The following GRK7 variants were observed in gnomAD, a reference collection of about 807,000 sequenced individuals.
GRK7 encodes the protein G protein-coupled receptor kinase 7, also known as rhodopsin kinase GRK7.
GRK7 carries 24 observed loss-of-function variants against 34.1 expected under a neutral mutation model. That is an observed-to-expected ratio of 0.70 (90% confidence interval 0.51 to 0.99). The LOEUF is 0.99. GRK7 is among the 50% of genes least tolerant of loss of function. GRK7 has a pLI of 0.00. For synonymous variants in GRK7, 256 were observed against 279.4 expected, an observed-to-expected ratio of 0.92 and a Z score of 0.84; for missense variants, 644 against 707.3, an observed-to-expected ratio of 0.91 and a Z score of 1.02.
At position 141,811,135 on chromosome 3, in the gene GRK7, T is replaced by G. The variant is rs191560149; in HGVS notation, c.1325+3216T>G. On this transcript the variant is annotated intron_variant, in intron 5 of 5. Transcript: ENST00000682958. ...TTCGAGACCAGGTTGGCCAACATGATGAAACCCCCTCTCTACTAAAAAAAT... is the reference window on the plus strand; with the variant it reads ...TTCGAGACCAGGTTGGCCAACATGAGGAAACCCCCTCTCTACTAAAAAAAT... Among the ~76,000 whole-genome samples the G allele has an allele frequency of 5.0e-3, 759 of 152,066 alleles. 2 individuals carry two copies. The highest frequency in any genetic ancestry group is 0.017 in the African/African-American group (720 of 41,476).
At chr3:141,777,322 C>CTGTTTTTTTTTTTTTT in intron 2 of GRK7, among the ~76,000 whole-genome samples, 1 of 52,876 alleles carries the variant, frequency 1.9e-5, no homozygotes, top group East Asian at 4.8e-4. Context: ...GATGGCCCCT[C>CTGTTTTTTTTTTTTTT]TTTTTTTTTT....
chr3:141,759,938 T>G (rs2084547978), upstream of GRK7, among the ~76,000 whole-genome samples: 1 of 67,200 alleles, frequency 1.5e-5, no homozygotes, highest in Non-Finnish European at 2.9e-5. Flanking sequence ...TCTAGTTTAT[T>G]TGCGTAGAGG....
At chr3:141,810,664 C>G (rs1711084667) in intron 5 of GRK7, among the ~76,000 whole-genome samples, 1 of 152,016 alleles carries the variant, frequency 6.6e-6, no homozygotes, top group African/African-American at 2.4e-5. Flanking sequence ...TTACAGGCAC[C>G]CACCACCACA....
intron 4 of GRK7, among the ~76,000 whole-genome samples, chr3:141,793,098 G>A (rs1047460431): frequency 1.3e-5 from 2 of 152,196 alleles, no homozygotes; most frequent in Admixed American, 1.3e-4. Context: ...TCTTCATTTG[G>A]CTGCTTATTT....
At position 141,769,717 on chromosome 3, in the gene GRK7, G is replaced by C. The variant is rs538923211; in HGVS notation, c.-215+3979G>C. ...TGGCCAGGCTCTGCTAATGAGGAAA[G>C]ACACCAGGGCATCTCTCCCCATCTC... On this transcript the variant is annotated intron_variant, in intron 1 of 5. Coordinates refer to ENST00000682958, the MANE Select transcript of GRK7 (RefSeq NM_139209.3). 2.8e-4 allele frequency among the ~76,000 whole-genome samples: 43 copies of C among 152,256 alleles called. No homozygotes were observed. In the East Asian group the frequency reaches 6.9e-3, roughly 25 times the overall value.
chr3:141,793,792 G>A (rs907211045), intron 4 of GRK7, among the ~76,000 whole-genome samples: 1 of 152,230 alleles, frequency 6.6e-6, no homozygotes, highest in Admixed American at 6.5e-5. Flanking sequence ...AAATTTGGGG[G>A]CTCACTGTGA....
Position 141,806,584 on chromosome 3 carries a change from C to T in GRK7, c.1051-1061C>T, listed in dbSNP as rs985085446. 3.4e-5 allele frequency among the ~76,000 whole-genome samples: 5 copies of T among 146,058 alleles called. No homozygotes were observed. In the South Asian group the frequency reaches 6.3e-4, roughly 18 times the overall value. ...TCTCAAAAATATATATATATATATACACACACACATATATATTTGAGTAAA... is the reference window on the plus strand; with the variant it reads ...TCTCAAAAATATATATATATATATATACACACACATATATATTTGAGTAAA... On this transcript the variant is annotated intron_variant, in intron 4 of 5. Coordinates refer to ENST00000682958, the MANE Select transcript of GRK7 (RefSeq NM_139209.3).
At chr3:141,755,493 A>G in the GRK7 span, among the ~76,000 whole-genome samples, 1 of 152,248 alleles carries the variant, frequency 6.6e-6, no homozygotes, top group Admixed American at 6.5e-5. Context: ...TATCCTCAAC[A>G]AGATTTATTA....
the GRK7 span, among the ~76,000 whole-genome samples, chr3:141,753,368 G>A: frequency 6.6e-6 from 1 of 152,144 alleles, no homozygotes; most frequent in Non-Finnish European, 1.5e-5. Context: ...TAGTACAGTG[G>A]TTCCCCAATT....
chr3:141,815,699 CTG>C lies in GRK7; in HGVS notation c.1326-982_1326-981del, dbSNP rs61336912. 4.1e-3 allele frequency among the ~76,000 whole-genome samples: 598 copies of C among 145,894 alleles called. 5 individuals are homozygous for C. Among genetic ancestry groups the C allele is most frequent in the African/African-American group, 0.012 (464 of 39,180 alleles). Reference sequence around the variant, plus strand: ...AAAAAACTATGGCTTCTATTTTGAGCTGTGTGTGTGTGTGTGTGTGTGTGTGT... The same window carrying C: ...AAAAAACTATGGCTTCTATTTTGAGCTGTGTGTGTGTGTGTGTGTGTGTGT... On this transcript the variant is annotated intron_variant, in intron 5 of 5. Transcript: ENST00000682958.
At chr3:141,781,109 G>A (rs928383598) in intron 4 of GRK7, among the ~76,000 whole-genome samples, 3 of 152,106 alleles carry the variant, frequency 2.0e-5, no homozygotes, top group African/African-American at 7.2e-5. Flanking sequence ...GTCATGGTCC[G>A]GGTGTGTCAA....
chr3:141,758,759 T>C (rs1380936446), upstream of GRK7, among the ~76,000 whole-genome samples: 1 of 146,744 alleles, frequency 6.8e-6, no homozygotes, highest in East Asian at 2.0e-4. Context: ...ATGGCCATTT[T>C]CACGATATTG....
intron 2 of GRK7, among the ~76,000 whole-genome samples, chr3:141,775,583 G>A (rs553299035): frequency 2.4e-4 from 37 of 152,090 alleles, no homozygotes; most frequent in African/African-American, 7.2e-4. Flanking sequence ...AGAACATGTG[G>A]CTACTTAGCA....
intron 5 of GRK7, among the ~76,000 whole-genome samples, chr3:141,810,736 C>T (rs928063412): frequency 2.6e-5 from 4 of 152,018 alleles, no homozygotes; most frequent in South Asian, 2.1e-4. Flanking sequence ...AGGATGGTCT[C>T]GATCCCACAC....
At chr3:141,750,037 G>A in the GRK7 span, among the ~76,000 whole-genome samples, 39 of 151,692 alleles carry the variant, frequency 2.6e-4, no homozygotes, top group African/African-American at 8.5e-4. Flanking sequence ...AAAGAAATAT[G>A]AATATAAAAA....
intron 5 of GRK7, among the ~76,000 whole-genome samples, chr3:141,811,243 G>C (rs954167284): frequency 5.9e-5 from 9 of 151,846 alleles, no homozygotes; most frequent in Admixed American, 5.9e-4. Context: ...GCTTGAACCT[G>C]GGAGGCGGAG....
At chr3:141,781,432 G>A (rs1273443249) in intron 4 of GRK7, among the ~76,000 whole-genome samples, 1 of 151,802 alleles carries the variant, frequency 6.6e-6, no homozygotes, top group Non-Finnish European at 1.5e-5. Flanking sequence ...AGCTACTCGG[G>A]AGGTTGAGGC....
intron 4 of GRK7, among the ~76,000 whole-genome samples, chr3:141,785,954 AAT>A (rs1198292663): frequency 6.6e-6 from 1 of 151,168 alleles, no homozygotes; most frequent in Non-Finnish European, 1.5e-5. Flanking sequence ...AAAAAAAAAA[AAT>A]CTTTTGGCCT....
intron 4 of GRK7, among the ~76,000 whole-genome samples, chr3:141,789,245 A>AT (rs2084711362): frequency 6.6e-6 from 1 of 152,216 alleles, no homozygotes; most frequent in Non-Finnish European, 1.5e-5. Flanking sequence ...AACGGTTTAC[A>AT]TAACTAGGAA....
Sources: allele counts gnomAD v4.1 joint callset (sites outside exome capture counted in the v4.1 genomes callset), GRCh38; gene constraint gnomAD v4.1.1; transcripts MANE v1.5; gene names NCBI Gene and HGNC (gene_info 2026-07-23, HGNC 2026-07-21).